Variants in TRIM33 observed in about 807,000 individuals in gnomAD.
TRIM33 encodes E3 ubiquitin-protein ligase TRIM33.
TRIM33 carries 20 observed loss-of-function variants against 125.4 expected under a neutral mutation model. The observed-to-expected ratio is 0.16, with a 90% confidence interval of 0.11 to 0.23. The LOEUF is 0.23. Among genes scored for constraint, TRIM33 ranks in the 10% least tolerant of loss-of-function variants. The pLI, the probability that TRIM33 is intolerant of heterozygous loss-of-function variation, is 1.00. For synonymous variants in TRIM33, 564 were observed against 513.9 expected (o/e 1.10, Z -1.32); for missense variants, 920 against 1,411.4 (o/e 0.65, Z 5.58).
At chr1:114,433,432 G>T (rs1318048037) in intron 5 of TRIM33, among the ~76,000 whole-genome samples, 185 bp downstream of exon 5, 1 of 152,100 alleles carries the variant, frequency 6.6e-6, no homozygotes, top group Admixed American at 6.5e-5. Context: ...TCCTAAAAGG[G>T]TATACAAGAG....
Position 114,463,225 on chromosome 1 carries a change from C to T in TRIM33, c.802G>A (p.Ala268Thr). 3.8e-6 allele frequency: 6 copies of T among 1,594,706 alleles called. No individual in the cohort carries two copies. The highest frequency in any genetic ancestry group is 1.2e-5 in the South Asian group (1 of 86,256). ...KKEDVSESVG[A>T]SGQRPVFCPV... ...CAGAAAACAGGGCGTTGACCAGATG[C>T]TCCAACAGACTCTGTAGCAAAATAA... The change falls in exon 4 of 20, where the codon GCA becomes ACA. Residue 268 changes from alanine (A) to threonine (T), a missense_variant. Physicochemically the swap from Ala to Thr is moderately conservative, Grantham distance 58 (BLOSUM62 0). This residue lies in a region of TRIM33 where 24 missense variants were observed against 83.9 expected (regional missense o/e 0.29). Coordinates refer to ENST00000358465, the MANE Select transcript of TRIM33 (RefSeq NM_015906.4).
Position 114,510,810 on chromosome 1 carries a change from A to C in TRIM33, c.267T>G (p.Val89=). Residue 89 remains valine (V), a synonymous_variant, in exon 1 of 20, where the codon GTT becomes GTG. Coordinates refer to ENST00000358465, the MANE Select transcript of TRIM33 (RefSeq NM_015906.4). ...SSPAASVGTG[V]AGGAVSTPAP... ...CCGGCGTCGATACTGCGCCCCCGGC[A>C]ACTCCAGTGCCCACTGAGGCCGCAG... 6.6e-7 allele frequency: 1 copy of C among 1,519,878 alleles called. No homozygotes were observed. Among genetic ancestry groups the C allele is most frequent in the Non-Finnish European group, 8.8e-7 (1 of 1,140,078 alleles). The allele number at this position is 1,519,878 out of a possible 1,614,324, so 94.1% of individuals were successfully genotyped here.
chr1:114,465,429 A>T (rs1650230290), intron 1 of TRIM33, among the ~76,000 whole-genome samples: 1 of 152,196 alleles, frequency 6.6e-6, no homozygotes, highest in South Asian at 2.1e-4. Flanking sequence ...TGGGATATAA[A>T]CCAAGTCCCC....
intron 6 of TRIM33, among the ~76,000 whole-genome samples, chr1:114,429,097 C>G (rs559571606): frequency 1.3e-5 from 2 of 152,162 alleles, no homozygotes; most frequent in East Asian, 3.9e-4. Context: ...CACATGGGTC[C>G]TTTTGGGGGG....
Position 114,397,742 on chromosome 1 carries a change from T to C in TRIM33, c.3290A>G (p.Asp1097Gly). 1 of 1,613,882 alleles carries C rather than the reference T, an allele frequency of 6.2e-7. No homozygotes were observed. The highest frequency in any genetic ancestry group is 8.5e-7 in the Non-Finnish European group (1 of 1,179,936). Residue 1097 changes from aspartate to glycine, a missense_variant, in exon 20 of 20, where the codon GAT (aspartate) becomes GGT (glycine). This residue lies in a region of TRIM33 where 122 missense variants were observed against 236.8 expected (regional missense o/e 0.52). Transcript: ENST00000358465. ...AGAGTCCTCAGTTACCTCACCATCA[T>C]CCTCTTCCTGCTCAAACTCTGGCAA... is the stretch of plus-strand genomic sequence containing the variant. ...APLPEFEQEE[D>G]DGEVTEDSDE...
chr1:114,446,435 A>G (rs1648982545), intron 4 of TRIM33, among the ~76,000 whole-genome samples: 2 of 152,202 alleles, frequency 1.3e-5, no homozygotes, highest in Non-Finnish European at 2.9e-5. Flanking sequence ...ATGTGGCAAT[A>G]GTACAAAGGA....
chr1:114,436,378 G>A (rs1381677303), intron 4 of TRIM33, among the ~76,000 whole-genome samples: 2 of 135,802 alleles, frequency 1.5e-5, no homozygotes, highest in African/African-American at 2.8e-5. Context: ...CTCCAGCCTG[G>A]TGACAGAGTG....
At chr1:114,473,460 G>A (rs982196695) in intron 1 of TRIM33, among the ~76,000 whole-genome samples, 4 of 151,944 alleles carry the variant, frequency 2.6e-5, no homozygotes, top group Admixed American at 6.6e-5. Flanking sequence ...AACTAATTCC[G>A]ATTGGCTACT....
At chr1:114,493,226 T>C (rs561015448) in intron 1 of TRIM33, among the ~76,000 whole-genome samples, 2 of 152,344 alleles carry the variant, frequency 1.3e-5, no homozygotes, top group Middle Eastern at 6.8e-3. Flanking sequence ...ATTCAGATCT[T>C]TTGCCCATTT....
intron 1 of TRIM33, among the ~76,000 whole-genome samples, chr1:114,479,399 T>C (rs188541259): frequency 6.6e-6 from 1 of 152,074 alleles, no homozygotes; most frequent in East Asian, 1.9e-4. Context: ...AGAAAAATAA[T>C]TCATCAAGGA....
At chr1:114,500,054 C>G (rs555421141) in intron 1 of TRIM33, among the ~76,000 whole-genome samples, 1 of 152,144 alleles carries the variant, frequency 6.6e-6, no homozygotes, top group Non-Finnish European at 1.5e-5. Flanking sequence ...CTAATCCCAG[C>G]TACTTGGGAG....
chr1:114,509,679 C>T (rs556693744), intron 1 of TRIM33, among the ~76,000 whole-genome samples: 11 of 152,314 alleles, frequency 7.2e-5, no homozygotes, highest in African/African-American at 2.6e-4. Context: ...TTCAAGAAAC[C>T]TGTTCATGGA....
In TRIM33 at chr1:114,397,387, G is replaced by T. The variant is rs1349534781; in HGVS notation, c.*261C>A. Reference sequence around the variant, plus strand: ...AACAATCAGAGAATCATCTCCATTAGAACAGAAATCCTCAAATCATTTCAC... The same window carrying T: ...AACAATCAGAGAATCATCTCCATTATAACAGAAATCCTCAAATCATTTCAC... On this transcript the variant is annotated 3_prime_UTR_variant, in exon 20 of 20. Coordinates refer to ENST00000358465, the MANE Select transcript of TRIM33 (RefSeq NM_015906.4). 2.1e-6 allele frequency: 1 copy of T among 485,826 alleles called. No homozygotes were observed. The highest frequency in any genetic ancestry group is 2.7e-5 in the South Asian group (1 of 37,066). The allele number at this position is 485,826 out of a possible 1,614,324, so 30.1% of individuals were successfully genotyped here. A position where few individuals can be genotyped will look rare whatever the true frequency, so the allele number is the denominator to read the frequency against.
chr1:114,415,308 A>T lies in TRIM33; in HGVS notation c.2062-4992T>A, dbSNP rs139240063. Among the ~76,000 whole-genome samples the T allele has an allele frequency of 2.8e-4, 43 of 152,266 alleles. No homozygotes were observed. In the East Asian group the frequency reaches 7.9e-3, roughly 28 times the overall value. On this transcript the variant is annotated intron_variant, in intron 11 of 19. Coordinates refer to ENST00000358465, the MANE Select transcript of TRIM33 (RefSeq NM_015906.4). ...ACTGCACCCAGGTTTAAGAGAGCTT[A>T]AAATAAAACAGTGACAAAGTCAGCA...
intron 1 of TRIM33, among the ~76,000 whole-genome samples, chr1:114,479,766 T>G (rs1016294223): frequency 8.3e-6 from 1 of 120,300 alleles, no homozygotes. Flanking sequence ...CTGAAGTGAA[T>G]TGTGGTGTTA....
At chr1:114,508,729 TC>T (rs764336057) in intron 1 of TRIM33, among the ~76,000 whole-genome samples, 4 of 151,952 alleles carry the variant, frequency 2.6e-5, no homozygotes, top group African/African-American at 7.3e-5. Context: ...CTCAATACAC[TC>T]CCCCCATCCC....
intron 1 of TRIM33, among the ~76,000 whole-genome samples, chr1:114,481,239 T>A (rs1651313322): frequency 6.6e-6 from 1 of 152,044 alleles, no homozygotes; most frequent in South Asian, 2.1e-4. Flanking sequence ...ATTTTATATG[T>A]TAAAGAATCA....
At chr1:114,501,821 T>TATG (rs1652737021) in intron 1 of TRIM33, among the ~76,000 whole-genome samples, 1 of 152,226 alleles carries the variant, frequency 6.6e-6, no homozygotes, top group Admixed American at 6.5e-5. Context: ...ATAAATAGCA[T>TATG]ATAAGCATTC....
intron 18 of TRIM33, among the ~76,000 whole-genome samples, chr1:114,398,697 A>G (rs900496157): frequency 6.6e-6 from 1 of 151,988 alleles, no homozygotes; most frequent in African/African-American, 2.4e-5. Flanking sequence ...ATGGCACCCA[A>G]ATTACACCAG....
Sources: allele counts gnomAD v4.1 joint callset (sites outside exome capture counted in the v4.1 genomes callset), GRCh38; gene constraint gnomAD v4.1.1; regional missense constraint gnomAD v4.1.1; transcripts MANE v1.5; gene names NCBI Gene and HGNC (gene_info 2026-07-23, HGNC 2026-07-21).